Variants in CERS3 observed in about 807,000 individuals in gnomAD.
CERS3 encodes LAG1 homolog, ceramide synthase 3.
A neutral mutation model predicts 50.3 loss-of-function variants in CERS3; 33 were observed. The observed-to-expected ratio is 0.66, with a 90% CI of 0.50 to 0.88. The LOEUF is 0.88. Among genes scored for constraint, CERS3 ranks in the 40% least tolerant of loss-of-function variants. CERS3 has a pLI of 0.00. For synonymous variants in CERS3, 176 were observed against 155.2 expected, an observed-to-expected ratio of 1.13 and a Z score of -0.99; for missense variants, 470 against 460.3, an observed-to-expected ratio of 1.02 and a Z score of -0.19.
At chr15:100,451,553 C>T (rs947968440) in intron 11 of CERS3, among the ~76,000 whole-genome samples, 1 of 151,712 alleles carries the variant, frequency 6.6e-6, no homozygotes, top group Non-Finnish European at 1.5e-5. Flanking sequence ...AATACAAAAA[C>T]AAAATTAGCC....
At chr15:100,514,264 GC>G (rs1214345699) in intron 2 of CERS3, among the ~76,000 whole-genome samples, 1 of 152,166 alleles carries the variant, frequency 6.6e-6, no homozygotes, top group Non-Finnish European at 1.5e-5. Context: ...CCATGAAATT[GC>G]CCTTCTAAGG....
chr15:100,415,655 C>T (rs892608693), intron 11 of CERS3, among the ~76,000 whole-genome samples: 3 of 152,064 alleles, frequency 2.0e-5, no homozygotes, highest in Non-Finnish European at 4.4e-5. Flanking sequence ...ATGGATGAAG[C>T]TGGAAGCCAT....
intron 7 of CERS3, among the ~76,000 whole-genome samples, chr15:100,477,523 T>C (rs1333167973): frequency 6.6e-6 from 1 of 152,108 alleles, no homozygotes; most frequent in East Asian, 1.9e-4. Flanking sequence ...ATCCAGAACC[T>C]GTGGAGTCAA....
chr15:100,514,757 T>C (rs962579716), intron 2 of CERS3, among the ~76,000 whole-genome samples: 9 of 150,354 alleles, frequency 6.0e-5, no homozygotes, highest in African/African-American at 2.2e-4. Context: ...TATGATACTA[T>C]TTTATACATA....
intron 11 of CERS3, among the ~76,000 whole-genome samples, chr15:100,455,097 T>G (rs1176728482): frequency 6.6e-6 from 1 of 152,130 alleles, no homozygotes; most frequent in African/African-American, 2.4e-5. Flanking sequence ...TGAAAGACAC[T>G]GGTGAGAATG....
chr15:100,527,812 G>A (rs1486221816), intron 1 of CERS3, among the ~76,000 whole-genome samples: 2 of 152,202 alleles, frequency 1.3e-5, no homozygotes, highest in Non-Finnish European at 2.9e-5. Context: ...TTAGAAAAAG[G>A]CAGAAATATT....
chr15:100,495,455 A>C (rs1295216434), intron 3 of CERS3, among the ~76,000 whole-genome samples: 1 of 152,216 alleles, frequency 6.6e-6, no homozygotes, highest in Admixed American at 6.5e-5. Flanking sequence ...TGGAAGAAAG[A>C]ATTTTCAGAG....
intron 10 of CERS3, among the ~76,000 whole-genome samples, chr15:100,465,969 T>G (rs1371031473): frequency 6.6e-6 from 1 of 152,214 alleles, no homozygotes; most frequent in Non-Finnish European, 1.5e-5. Context: ...TGTTTCGTTT[T>G]ATTTTACAGT....
chr15:100,494,274 G>A (rs1334818384), intron 3 of CERS3, among the ~76,000 whole-genome samples: 2 of 136,234 alleles, frequency 1.5e-5, no homozygotes, highest in African/African-American at 5.6e-5. Flanking sequence ...TTGAGATGGA[G>A]TCTTGCACTG....
chr15:100,524,841 A>G (rs2036741131), intron 1 of CERS3, among the ~76,000 whole-genome samples: 1 of 152,208 alleles, frequency 6.6e-6, no homozygotes, highest in Non-Finnish European at 1.5e-5. Flanking sequence ...TCTAATCAAC[A>G]AGTATTTATT....
chr15:100,464,148 C>G (rs1478560645), intron 10 of CERS3, among the ~76,000 whole-genome samples: 1 of 152,140 alleles, frequency 6.6e-6, no homozygotes, highest in African/African-American at 2.4e-5. Context: ...TCCAGTGAAC[C>G]AGTGGTGAGG....
intron 9 of CERS3, among the ~76,000 whole-genome samples, chr15:100,471,854 G>C (rs2034978892): frequency 6.6e-6 from 1 of 152,148 alleles, no homozygotes; most frequent in Non-Finnish European, 1.5e-5. Flanking sequence ...GTGACTTCTG[G>C]TGGCTTCTAC....
rs1401810240 is a variant in CERS3 at position 100,423,018 on chromosome 15, A to C, written c.1000-20153T>G. ...GAGTTAGTGGGTGCAGCACACCAGC[A>C]TGGCACATGTATACATATGTAACTA... is the stretch of plus-strand genomic sequence containing the variant. On this transcript the variant is annotated intron_variant, in intron 11 of 11. Coordinates refer to ENST00000679737, the MANE Select transcript of CERS3 (RefSeq NM_001378789.1). Among the ~76,000 whole-genome samples, 5 of 151,440 alleles carry C rather than the reference A, an allele frequency of 3.3e-5. No homozygotes were observed. In the East Asian group the frequency reaches 9.8e-4, roughly 30 times the overall value.
intron 11 of CERS3, among the ~76,000 whole-genome samples, chr15:100,421,298 CAGAG>C (rs1256015975): frequency 6.7e-6 from 1 of 149,222 alleles, no homozygotes; most frequent in Non-Finnish European, 1.5e-5. Flanking sequence ...AACAGACAAA[CAGAG>C]AGCCAAATCA....
intron 3 of CERS3, among the ~76,000 whole-genome samples, chr15:100,494,328 AG>A (rs1476111800): frequency 6.8e-6 from 1 of 146,904 alleles, no homozygotes; most frequent in Non-Finnish European, 1.5e-5. Flanking sequence ...GCTCACTGCA[AG>A]CTCCACCTCC....
chr15:100,480,067 C>G (rs776555713), intron 5 of CERS3, 21 bp from the exon 6 acceptor site: 2 of 1,582,306 alleles, frequency 1.3e-6, no homozygotes, highest in Non-Finnish European at 1.7e-6. Context: ...AAAGAAAAAT[C>G]TTTACTCCCT....
chr15:100,445,681 C>T (rs1459133224), intron 11 of CERS3, among the ~76,000 whole-genome samples: 4 of 152,128 alleles, frequency 2.6e-5, no homozygotes, highest in East Asian at 1.9e-4. Flanking sequence ...TAATCCCACT[C>T]GAAGCAGCCC....
intron 10 of CERS3, among the ~76,000 whole-genome samples, chr15:100,467,195 T>C (rs1458072144): frequency 6.6e-6 from 1 of 152,070 alleles, no homozygotes. Context: ...TTGAGGACTC[T>C]AGACACTATG....
At chr15:100,421,305 C>T (rs971763985) in intron 11 of CERS3, among the ~76,000 whole-genome samples, 1 of 149,134 alleles carries the variant, frequency 6.7e-6, no homozygotes, top group Non-Finnish European at 1.5e-5. Context: ...AAACAGAGAG[C>T]CAAATCATGA....
Sources: allele counts gnomAD v4.1 joint callset (sites outside exome capture counted in the v4.1 genomes callset), GRCh38; gene constraint gnomAD v4.1.1; transcripts MANE v1.5; gene names NCBI Gene and HGNC (gene_info 2026-07-23, HGNC 2026-07-21).